The following KCNN2 variants were observed in gnomAD, a reference collection of about 807,000 sequenced individuals.
KCNN2 encodes the protein potassium calcium-activated channel subfamily N member 2.
Under a neutral mutation model 55.5 loss-of-function variants are expected in KCNN2, and 24 were observed. The observed-to-expected ratio is 0.43, with a 90% confidence interval of 0.31 to 0.61. The LOEUF (loss-of-function observed/expected upper bound fraction) is 0.61. Among genes scored for constraint, KCNN2 ranks in the 20% least tolerant of loss-of-function variants. The pLI is 0.08. For missense variants in KCNN2, 754 were observed against 853.6 expected, an observed-to-expected ratio of 0.88 and a Z score of 1.45; for synonymous variants, 431 against 336.1, an observed-to-expected ratio of 1.28 and a Z score of -3.09.
intron 1 of KCNN2, among the ~76,000 whole-genome samples, chr5:114,155,855 C>A (rs1167301418): frequency 6.6e-6 from 1 of 152,110 alleles, no homozygotes; most frequent in East Asian, 1.9e-4. Context: ...TTGGTAGTTT[C>A]TTTTGCTGTA....
intron 2 of KCNN2, among the ~76,000 whole-genome samples, chr5:114,303,553 C>A (rs933102524): frequency 6.6e-6 from 1 of 152,186 alleles, no homozygotes; most frequent in Non-Finnish European, 1.5e-5. Context: ...AGCTCGGAAC[C>A]ACTGATTCAC....
rs1193135609 is a variant in KCNN2, at chr5:114,399,205, A to T, written c.1219-5233A>T. ...TGTCATAGATTGCTCTTATTATTTT[A>T]AAGTATGTTCCTTCAATGTCTAGTT... On this transcript the variant is annotated intron_variant, in intron 2 of 7. Coordinates refer to ENST00000673685, the MANE Select transcript of KCNN2 (RefSeq NM_021614.4). 2.0e-5 allele frequency among the ~76,000 whole-genome samples: 3 copies of T among 152,090 alleles called. No individual in the cohort carries two copies. In the East Asian group the frequency reaches 5.8e-4, roughly 29 times the overall value.
chr5:114,281,564 T>C (rs1399698277), intron 2 of KCNN2, among the ~76,000 whole-genome samples: 1 of 145,276 alleles, frequency 6.9e-6, no homozygotes, highest in South Asian at 2.2e-4. Context: ...CTGCTTCCAT[T>C]TTCTCCTTTC....
At position 114,362,672 on chromosome 5, in the gene KCNN2, C is replaced by T; in HGVS notation, c.533C>T (p.Ser178Phe). Residue 178 changes from serine (S) to phenylalanine (F), a missense_variant, in exon 1 of 8, where the codon TCC becomes TTC. Transcript: ENST00000673685. ...ACGGGCAGCCTCGGCAGTCTGGGCT[C>T]CGGGCCCCCGCTCTCGCACCACCAC... ...SPTGSLGSLG[S>F]GPPLSHHHHH... is the part of the protein sequence containing the mutation. 26 of 1,427,752 alleles carry T rather than the reference C, an allele frequency of 1.8e-5. No individual in the cohort carries two copies. In the South Asian group the frequency reaches 2.8e-4, roughly 15 times the overall value. The allele number at this position is 1,427,752 out of a possible 1,614,324, so 88.4% of individuals were successfully genotyped here. A position where few individuals can be genotyped will look rare whatever the true frequency, so the allele number is the denominator to read the frequency against.
chr5:114,143,333 C>G (rs997353536), intron 1 of KCNN2, among the ~76,000 whole-genome samples: 1 of 152,120 alleles, frequency 6.6e-6, no homozygotes, highest in African/African-American at 2.4e-5. Context: ...ACAGTCTTTC[C>G]ATAACCTATG....
chr5:114,441,948 G>A (rs1162003081), intron 3 of KCNN2, among the ~76,000 whole-genome samples: 1 of 152,152 alleles, frequency 6.6e-6, no homozygotes, highest in Non-Finnish European at 1.5e-5. Flanking sequence ...AAACTTAACT[G>A]CTGTATTCAT....
intron 2 of KCNN2, among the ~76,000 whole-genome samples, chr5:114,333,293 T>G (rs140923754): frequency 2.8e-4 from 43 of 152,370 alleles, no homozygotes; most frequent in African/African-American, 1.0e-3. Flanking sequence ...ATAAGGTTGA[T>G]GTGAACACAA....
At chr5:114,243,361 G>C (rs563031418) in intron 2 of KCNN2, among the ~76,000 whole-genome samples, 32 of 152,124 alleles carry the variant, frequency 2.1e-4, no homozygotes, top group Non-Finnish European at 4.4e-4. Flanking sequence ...CTGAAAATGT[G>C]AAATGAAAAT....
rs534598927 is a variant in KCNN2, at chr5:114,155,817, G to C, written c.-270-65663G>C. On this transcript the variant is annotated intron_variant, in intron 1 of 10. Transcript: ENST00000512097. Reference sequence around the variant, plus strand: ...ATGCATAGTTTGCAAAAATTTTCTCGCATCCTGTAGGTTGTCTGTTCACTC... The same window carrying C: ...ATGCATAGTTTGCAAAAATTTTCTCCCATCCTGTAGGTTGTCTGTTCACTC... Among the ~76,000 whole-genome samples, 21 of 152,070 alleles carry C rather than the reference G, an allele frequency of 1.4e-4. No individual in the cohort carries two copies. In the East Asian group the frequency reaches 1.7e-3, roughly 13 times the overall value.
chr5:114,487,275 C>T (rs1172694713), intron 6 of KCNN2, 98 bp downstream of exon 6: 7 of 1,099,274 alleles, frequency 6.4e-6, no homozygotes, highest in Non-Finnish European at 9.3e-6. Flanking sequence ...AAAAAGAAAA[C>T]ATTGTCATGT....
rs554476567 is a variant in KCNN2 at position 114,155,294 on chromosome 5, G to C, written c.-270-66186G>C. ...TTCTTTATCCAGTCTGTGATTGATGGGCATTTAGGTTGATTCTGTGTCATT... is the reference window on the plus strand; with the variant it reads ...TTCTTTATCCAGTCTGTGATTGATGCGCATTTAGGTTGATTCTGTGTCATT... On this transcript the variant is annotated intron_variant, in intron 1 of 10. Transcript: ENST00000512097. 3.9e-5 allele frequency among the ~76,000 whole-genome samples: 6 copies of C among 152,270 alleles called. No homozygotes were observed. In the South Asian group the frequency reaches 1.2e-3, roughly 32 times the overall value.
At chr5:114,386,249 G>A (rs1758282783) in intron 2 of KCNN2, among the ~76,000 whole-genome samples, 1 of 151,086 alleles carries the variant, frequency 6.6e-6, no homozygotes, top group Non-Finnish European at 1.5e-5. Flanking sequence ...CACACTGCTT[G>A]AGAGCAGTGG....
chr5:114,301,834 A>G (rs182670731), intron 2 of KCNN2, among the ~76,000 whole-genome samples: 26 of 152,330 alleles, frequency 1.7e-4, no homozygotes, highest in African/African-American at 5.8e-4. Context: ...ACATTTGCTT[A>G]TTTGACTAAA....
At chr5:114,226,636 C>T (rs1452870427) in intron 2 of KCNN2, among the ~76,000 whole-genome samples, 1 of 152,130 alleles carries the variant, frequency 6.6e-6, no homozygotes, top group African/African-American at 2.4e-5. Context: ...GATGCAGTAG[C>T]TCATGCCTGT....
At chr5:114,095,808 AT>A (rs541526434) in intron 1 of KCNN2, among the ~76,000 whole-genome samples, 4 of 150,784 alleles carry the variant, frequency 2.7e-5, no homozygotes, top group African/African-American at 4.9e-5. Flanking sequence ...TCCCCCAATA[AT>A]TTTTTTTGAC....
At chr5:114,140,408 C>T (rs1336091046) in intron 1 of KCNN2, among the ~76,000 whole-genome samples, 3 of 152,092 alleles carry the variant, frequency 2.0e-5, no homozygotes, top group Non-Finnish European at 4.4e-5. Context: ...GATCTGTTTA[C>T]CTTAGAAGGA....
intron 2 of KCNN2, among the ~76,000 whole-genome samples, chr5:114,223,956 A>T (rs1207616322): frequency 6.6e-6 from 1 of 152,184 alleles, no homozygotes. Flanking sequence ...GCAAACTAGA[A>T]TCAGTTGTAC....
intron 1 of KCNN2, among the ~76,000 whole-genome samples, chr5:114,221,069 C>G (rs140023984): frequency 1.3e-5 from 2 of 152,326 alleles, no homozygotes; most frequent in East Asian, 1.9e-4. Context: ...AATATCACCA[C>G]TATCCTATAT....
chr5:114,076,031 G>T (rs1280359563), intron 1 of KCNN2, among the ~76,000 whole-genome samples: 1 of 152,188 alleles, frequency 6.6e-6, no homozygotes, highest in Non-Finnish European at 1.5e-5. Context: ...AGTTTGTTAC[G>T]CACCACTACT....
Sources: gnomAD v4.1 joint callset for allele counts (sites outside exome capture counted in the v4.1 genomes callset) on GRCh38, gnomAD v4.1.1 for gene constraint, MANE v1.5 for transcripts, NCBI Gene and HGNC (gene_info 2026-07-23, HGNC 2026-07-21) for gene names.